The following CELF5 variants were observed in gnomAD, a reference collection of about 807,000 sequenced individuals.
The protein encoded by CELF5 is CUG-BP and ETR-3 like factor 5.
A neutral mutation model predicts 54.9 loss-of-function variants in CELF5; 6 were observed. The observed-to-expected ratio is 0.11, with a 90% confidence interval of 0.06 to 0.22. The LOEUF (loss-of-function observed/expected upper bound fraction) is 0.22, where lower values mean the gene tolerates loss of function less well. CELF5 is among the 10% of genes least tolerant of loss of function. The pLI is 1.00. For missense variants in CELF5, 401 were observed against 678.6 expected (o/e 0.59, Z 4.54); for synonymous variants, 271 against 290.9 (o/e 0.93, Z 0.70).
chr19:3,248,348 G>A (rs2079595515), intron 1 of CELF5, among the ~76,000 whole-genome samples: 1 of 151,922 alleles, frequency 6.6e-6, no homozygotes, highest in Non-Finnish European at 1.5e-5. Flanking sequence ...TTCCCAAACT[G>A]AAACTGTATC....
At chr19:3,233,516 C>T (rs557256232) in intron 1 of CELF5, among the ~76,000 whole-genome samples, 2 of 152,170 alleles carry the variant, frequency 1.3e-5, no homozygotes, top group South Asian at 2.1e-4. Context: ...TAGGAGGTGA[C>T]GTTTGAGACG....
chr19:3,246,704 C>A (rs1478588130), intron 1 of CELF5, among the ~76,000 whole-genome samples: 2 of 152,242 alleles, frequency 1.3e-5, no homozygotes, highest in East Asian at 3.9e-4. Flanking sequence ...CAGAGCAAGA[C>A]CCTGTCTCAA....
intron 11 of CELF5, among the ~76,000 whole-genome samples, chr19:3,291,689 G>A (rs1460516842): frequency 3.3e-5 from 5 of 151,624 alleles, no homozygotes; most frequent in African/African-American, 4.8e-5. Context: ...AGGCAGGACG[G>A]CGCCTGACAT....
chr19:3,269,018 G>A (rs1448973021), intron 2 of CELF5, among the ~76,000 whole-genome samples: 1 of 152,112 alleles, frequency 6.6e-6, no homozygotes, highest in Non-Finnish European at 1.5e-5. Flanking sequence ...GCAGCGTTTA[G>A]AGCAGGGGAG....
chr19:3,240,746 G>C (rs992702856), intron 1 of CELF5, among the ~76,000 whole-genome samples: 2 of 151,992 alleles, frequency 1.3e-5, no homozygotes, highest in African/African-American at 2.4e-5. Flanking sequence ...GTTGCCTTCA[G>C]AGCGTCCCCA....
At chr19:3,251,719 C>T (rs76132317) in intron 2 of CELF5, among the ~76,000 whole-genome samples, 4 of 144,478 alleles carry the variant, frequency 2.8e-5, no homozygotes, top group Non-Finnish European at 4.5e-5. Context: ...TTGTCACCCA[C>T]GCTGGAGTGC....
chr19:3,262,601 C>T (rs1048758437), intron 2 of CELF5, among the ~76,000 whole-genome samples: 1 of 152,044 alleles, frequency 6.6e-6, no homozygotes, highest in Non-Finnish European at 1.5e-5. Flanking sequence ...TGGATCATAT[C>T]GGACAGCACA....
At chr19:3,243,225 T>G (rs780958656) in intron 1 of CELF5, among the ~76,000 whole-genome samples, 1 of 152,108 alleles carries the variant, frequency 6.6e-6, no homozygotes, top group Admixed American at 6.6e-5. Flanking sequence ...ATGTGTGTGT[T>G]TTTTAATTTT....
chr19:3,227,681 A>G (rs1351229547), intron 1 of CELF5, among the ~76,000 whole-genome samples: 2 of 151,966 alleles, frequency 1.3e-5, no homozygotes, highest in Non-Finnish European at 2.9e-5. Context: ...TGATTTCCCC[A>G]TGGAACCCAT....
intron 2 of CELF5, among the ~76,000 whole-genome samples, chr19:3,267,094 T>C (rs1599443759): frequency 1.2e-5 from 1 of 81,920 alleles, no homozygotes; most frequent in Non-Finnish European, 2.5e-5. Flanking sequence ...TGTGCATGTG[T>C]GTGTGTGTGT....
intron 2 of CELF5, among the ~76,000 whole-genome samples, chr19:3,252,784 G>A (rs2079669403): frequency 6.6e-6 from 1 of 152,052 alleles, no homozygotes; most frequent in Admixed American, 6.6e-5. Flanking sequence ...AGCCACATCT[G>A]TGGGCTCGTT....
At chr19:3,260,813 G>A (rs1036953735) in intron 2 of CELF5, among the ~76,000 whole-genome samples, 10 of 151,712 alleles carry the variant, frequency 6.6e-5, no homozygotes, top group Admixed American at 2.0e-4. Context: ...TAGTACAGAC[G>A]GGGTTTCACC....
chr19:3,241,065 CTTTTT>C (rs529201613), intron 1 of CELF5, among the ~76,000 whole-genome samples: 1 of 139,476 alleles, frequency 7.2e-6, no homozygotes. Flanking sequence ...AAGATCAGTT[CTTTTT>C]TTTTTTTTTT....
chr19:3,237,457 G>A (rs1439504682), intron 1 of CELF5, among the ~76,000 whole-genome samples: 1 of 152,134 alleles, frequency 6.6e-6, no homozygotes, highest in African/African-American at 2.4e-5. Flanking sequence ...AGTTTCCCGG[G>A]AAAGGGGTGG....
chr19:3,248,853 TCTTCCTTCCTTCCTTCCTTCCTTCCTTC>T (rs56977899), intron 1 of CELF5, among the ~76,000 whole-genome samples: 6 of 118,826 alleles, frequency 5.0e-5, no homozygotes, highest in Non-Finnish European at 8.7e-5. Flanking sequence ...TTTCTTTCTT[TCTTCCTTCCTTCCTTCCTTCCTTCCTTC>T]CTTCCTTCCT....
chr19:3,281,945 C>G lies in CELF5; in HGVS notation c.751-181C>G, dbSNP rs1013158703. ...CTGATCTCAGCCTGAGCCTCACTTCCGAACCGATCTCTGCTCCCAGGCTGA... is the reference window on the plus strand; with the variant it reads ...CTGATCTCAGCCTGAGCCTCACTTCGGAACCGATCTCTGCTCCCAGGCTGA... On this transcript the variant is annotated intron_variant, in intron 6 of 12. Coordinates refer to ENST00000292672, the MANE Select transcript of CELF5 (RefSeq NM_021938.4). This position sits in a 1 kb window ranked among gnomAD's most constrained non-coding sequence, Gnocchi z 6.5. 2.6e-5 allele frequency among the ~76,000 whole-genome samples: 4 copies of G among 152,062 alleles called. No individual in the cohort carries two copies. The highest frequency in any genetic ancestry group is 4.4e-5 in the Non-Finnish European group (3 of 68,002).
chr19:3,244,311 T>C (rs2079530289), intron 1 of CELF5, among the ~76,000 whole-genome samples: 1 of 151,936 alleles, frequency 6.6e-6, no homozygotes, highest in African/African-American at 2.4e-5. Flanking sequence ...TATGTGTGTG[T>C]GCGTAGTGTA....
At chr19:3,227,259 A>T (rs1354845263) in intron 1 of CELF5, among the ~76,000 whole-genome samples, 1 of 152,142 alleles carries the variant, frequency 6.6e-6, no homozygotes, top group African/African-American at 2.4e-5. Flanking sequence ...TTTGGGGCTC[A>T]GCTGTGTGAC....
At chr19:3,288,612 G>A (rs938481958) in intron 10 of CELF5, among the ~76,000 whole-genome samples, 2 of 152,052 alleles carry the variant, frequency 1.3e-5, no homozygotes, top group African/African-American at 2.4e-5. Context: ...CTTTGGCAGG[G>A]CAAGGCAGAA....
Sources: allele counts gnomAD v4.1 joint callset (sites outside exome capture counted in the v4.1 genomes callset), GRCh38; gene constraint gnomAD v4.1.1; non-coding constraint Gnocchi (gnomAD v3.1); transcripts MANE v1.5; gene names NCBI Gene and HGNC (gene_info 2026-07-23, HGNC 2026-07-21).